ZNF407: variants seen among roughly 807,000 people sequenced by gnomAD.
ZNF407 encodes the protein zinc finger protein 407.
Under a neutral mutation model 131.2 loss-of-function variants are expected in ZNF407, and 17 were observed. The observed-to-expected ratio is 0.13, with a 90% CI of 0.09 to 0.19. The LOEUF (loss-of-function observed/expected upper bound fraction) is 0.19. Ranked by LOEUF, ZNF407 falls within the 10% of genes least tolerant of loss-of-function variation. The pLI, the probability that ZNF407 is intolerant of heterozygous loss-of-function variation, is 1.00. For synonymous variants in ZNF407, 1,156 were observed against 1,062.0 expected (o/e 1.09, Z -1.72); for missense variants, 2,681 against 2,830.6 (o/e 0.95, Z 1.20).
chr18:75,010,656 C>T (rs924128593), intron 8 of ZNF407, among the ~76,000 whole-genome samples: 1 of 152,186 alleles, frequency 6.6e-6, no homozygotes, highest in Non-Finnish European at 1.5e-5. Context: ...ATGCCCCAGA[C>T]ACTTTTACTA....
chr18:74,819,994 G>A (rs1022045285), intron 4 of ZNF407, among the ~76,000 whole-genome samples: 1 of 152,174 alleles, frequency 6.6e-6, no homozygotes, highest in African/African-American at 2.4e-5. Flanking sequence ...GTGTGAATGA[G>A]AGAGCTGGTA....
At chr18:74,652,775 T>C (rs1985286594) in intron 3 of ZNF407, among the ~76,000 whole-genome samples, 1 of 152,022 alleles carries the variant, frequency 6.6e-6, no homozygotes, top group African/African-American at 2.4e-5. Context: ...CCAATGCACA[T>C]AACACAGTTT....
chr18:74,635,793 A>C lies in ZNF407; in HGVS notation c.4687+87A>C. On this transcript the variant is annotated intron_variant, in intron 2 of 8. Coordinates refer to ENST00000299687, the MANE Select transcript of ZNF407 (RefSeq NM_017757.3). This position sits in a 1 kb window ranked among gnomAD's most constrained non-coding sequence, Gnocchi z 4.7. ...TATGCAGCCCTACCTGTGGCTGCTC[A>C]TTGGCTTTCCACCCGGTTCACATTT... 2.0e-6 allele frequency: 3 copies of C among 1,498,204 alleles called. No individual in the cohort carries two copies. The highest frequency in any genetic ancestry group is 2.8e-5 in the South Asian group (2 of 72,264). 92.8% of individuals were successfully genotyped at this position (1,498,204 alleles called of 1,614,324 possible). A position where few individuals can be genotyped will look rare whatever the true frequency, so the allele number is the denominator to read the frequency against.
At chr18:75,034,433 A>G (rs1973282609) in intron 8 of ZNF407, among the ~76,000 whole-genome samples, 1 of 149,618 alleles carries the variant, frequency 6.7e-6, no homozygotes, top group South Asian at 2.1e-4. Context: ...CCTCCCGTGT[A>G]GCTGGGACTA....
intron 7 of ZNF407, among the ~76,000 whole-genome samples, chr18:74,895,264 T>C (rs10514146): frequency 0.12 from 18,435 of 151,480 alleles, 1,231 homozygotes; most frequent in Middle Eastern, 0.23. Context: ...TTTCAAGTAA[T>C]ATTGTAACTC....
intron 3 of ZNF407, among the ~76,000 whole-genome samples, chr18:74,698,601 C>A (rs1166221264): frequency 6.6e-6 from 1 of 152,140 alleles, no homozygotes; most frequent in South Asian, 2.1e-4. Flanking sequence ...AGGGGACATT[C>A]ATGGTGTGTC....
At chr18:74,685,278 G>A (rs1490892452) in intron 3 of ZNF407, among the ~76,000 whole-genome samples, 1 of 152,108 alleles carries the variant, frequency 6.6e-6, no homozygotes, top group Non-Finnish European at 1.5e-5. Context: ...ATATAAATAA[G>A]TAGACATTGA....
intron 5 of ZNF407, among the ~76,000 whole-genome samples, chr18:74,880,467 A>G (rs1170906741): frequency 6.6e-6 from 1 of 152,198 alleles, no homozygotes; most frequent in African/African-American, 2.4e-5. Flanking sequence ...TTGAATTGCT[A>G]CTGGTACTAA....
chr18:74,714,967 G>A (rs907046309), intron 3 of ZNF407, among the ~76,000 whole-genome samples: 1 of 152,124 alleles, frequency 6.6e-6, no homozygotes, highest in African/African-American at 2.4e-5. Flanking sequence ...GGATAGCCAG[G>A]TTCCCAGGCA....
chr18:74,734,944 C>A (rs1433774109), intron 3 of ZNF407, among the ~76,000 whole-genome samples: 1 of 152,048 alleles, frequency 6.6e-6, no homozygotes, highest in Admixed American at 6.6e-5. Context: ...GGGCTACTTA[C>A]CTCTTAGTTG....
rs756531764 is a variant in ZNF407 at position 75,063,753 on chromosome 18, A to G, written c.6032A>G (p.Gln2011Arg). The change falls in exon 9 of 9, where the codon CAA (glutamine) becomes CGA (arginine). Residue 2011 changes from glutamine to arginine, a missense_variant. By Grantham distance (43) the Gln-to-Arg change is conservative (BLOSUM62 1). This residue lies in a region of ZNF407 where 620 missense variants were observed against 583.1 expected (regional missense o/e 1.06). Coordinates refer to ENST00000299687, the MANE Select transcript of ZNF407 (RefSeq NM_017757.3). The surrounding 1 kb of genome is among the most constrained non-coding windows in gnomAD (Gnocchi z 6.6). ...GAGGGCAGGGCTGGGCTCGAGGAGC[A>G]AGGCAGGCCCGGCGCCAAAGACGTG... ...EVEGRAGLEE[Q>R]GRPGAKDVLI... The G allele has an allele frequency of 1.7e-5, 27 of 1,611,710 alleles. No homozygotes were observed. Among genetic ancestry groups the G allele is most frequent in the Middle Eastern group, 1.6e-4 (1 of 6,082 alleles).
At chr18:74,845,423 A>G (rs1970688826) in intron 4 of ZNF407, among the ~76,000 whole-genome samples, 1 of 152,262 alleles carries the variant, frequency 6.6e-6, no homozygotes, top group Non-Finnish European at 1.5e-5. Context: ...ATCTAAACAT[A>G]AAAGAATTAT....
intron 8 of ZNF407, among the ~76,000 whole-genome samples, chr18:74,923,902 G>T (rs1971878951): frequency 6.6e-6 from 1 of 151,836 alleles, no homozygotes; most frequent in Admixed American, 6.6e-5. Flanking sequence ...TTTAGTATTT[G>T]TACTTAATGT....
chr18:74,630,370 A>G (rs1391115612), intron 1 of ZNF407, among the ~76,000 whole-genome samples: 1 of 151,882 alleles, frequency 6.6e-6, no homozygotes, highest in Non-Finnish European at 1.5e-5. Flanking sequence ...ACAGGGTTTC[A>G]CTGTGTTAGC....
At chr18:75,034,080 T>C (rs562910131) in intron 8 of ZNF407, among the ~76,000 whole-genome samples, 57 of 152,250 alleles carry the variant, frequency 3.7e-4, no homozygotes, top group African/African-American at 1.3e-3. Context: ...TAAATGGCCT[T>C]GTGCATCATG....
intron 8 of ZNF407, among the ~76,000 whole-genome samples, chr18:75,030,059 A>T (rs914693430): frequency 6.6e-6 from 1 of 152,222 alleles, no homozygotes; most frequent in Non-Finnish European, 1.5e-5. Flanking sequence ...ATTAAGAGTT[A>T]TATAAAACAA....
intron 4 of ZNF407, among the ~76,000 whole-genome samples, chr18:74,819,565 C>G (rs540278942): frequency 3.3e-5 from 5 of 152,248 alleles, no homozygotes; most frequent in African/African-American, 1.2e-4. Context: ...CTGGGTTTGC[C>G]GCTCACAGGA....
intron 3 of ZNF407, among the ~76,000 whole-genome samples, chr18:74,738,278 G>A (rs1044766685): frequency 6.6e-6 from 1 of 151,926 alleles, no homozygotes. Flanking sequence ...AAATTAGCCA[G>A]GTGTGGCGGT....
At chr18:75,057,253 A>G (rs556983074) in intron 8 of ZNF407, among the ~76,000 whole-genome samples, 3 of 152,254 alleles carry the variant, frequency 2.0e-5, no homozygotes, top group Non-Finnish European at 4.4e-5. Context: ...TCACAGCAAC[A>G]GAGTGGTTTA....
Sources: gnomAD v4.1 joint callset for allele counts (sites outside exome capture counted in the v4.1 genomes callset) on GRCh38, gnomAD v4.1.1 for gene constraint, gnomAD v4.1.1 regional missense constraint, Gnocchi (gnomAD v3.1) non-coding constraint, MANE v1.5 for transcripts, NCBI Gene and HGNC (gene_info 2026-07-23, HGNC 2026-07-21) for gene names.